ARHGEF3: variants seen among roughly 807,000 people sequenced by gnomAD.
The protein encoded by ARHGEF3 is 59.8 kDA protein.
ARHGEF3 carries 28 observed loss-of-function variants against 63.2 expected under a neutral mutation model. That is an observed-to-expected ratio of 0.44 (90% CI 0.33 to 0.61). ARHGEF3 has a LOEUF of 0.61. Ranked by LOEUF, ARHGEF3 falls within the 20% of genes least tolerant of loss-of-function variation. The pLI, the probability that ARHGEF3 is intolerant of heterozygous loss-of-function variation, is 0.03. For missense variants in ARHGEF3, 533 were observed against 659.3 expected (o/e 0.81, Z 2.10); for synonymous variants, 266 against 254.2 (o/e 1.05, Z -0.44).
chr3:56,989,177 T>C (rs1701652645), intron 2 of ARHGEF3, among the ~76,000 whole-genome samples: 2 of 152,250 alleles, frequency 1.3e-5, no homozygotes, highest in Admixed American at 1.3e-4. Context: ...TCAAGTACCC[T>C]ATTTAGTTCT....
intron 2 of ARHGEF3, among the ~76,000 whole-genome samples, chr3:57,004,056 C>T (rs1702370177): frequency 6.6e-6 from 1 of 152,214 alleles, no homozygotes; most frequent in African/African-American, 2.4e-5. Context: ...CCTCAAGGAG[C>T]TCATTCATCC....
intron 3 of ARHGEF3, among the ~76,000 whole-genome samples, chr3:56,889,111 G>A (rs553915642): frequency 9.2e-5 from 14 of 151,954 alleles, no homozygotes; most frequent in African/African-American, 3.1e-4. Flanking sequence ...TGAACCTTTC[G>A]ACCCACTTTC....
At chr3:56,778,300 T>G (rs1221555746) in intron 1 of ARHGEF3, among the ~76,000 whole-genome samples, 3 of 152,172 alleles carry the variant, frequency 2.0e-5, no homozygotes, top group Non-Finnish European at 4.4e-5. Context: ...GCAATTTGCT[T>G]AAAGCCATTC....
At chr3:57,027,621 G>A (rs1020531584) in intron 2 of ARHGEF3, among the ~76,000 whole-genome samples, 3 of 152,170 alleles carry the variant, frequency 2.0e-5, no homozygotes, top group Non-Finnish European at 2.9e-5. Context: ...TTGGGAGGCT[G>A]AGGTGGGTGG....
intron 1 of ARHGEF3, among the ~76,000 whole-genome samples, chr3:57,059,826 A>G (rs948520148): frequency 3.3e-5 from 5 of 151,880 alleles, no homozygotes; most frequent in African/African-American, 1.2e-4. Flanking sequence ...GAGAAACCCC[A>G]TCTCTACTAA....
chr3:56,732,470 G>T, intron 8 of ARHGEF3, 46 bp from the exon 9 acceptor site: 1 of 1,601,582 alleles, frequency 6.2e-7, no homozygotes, highest in Non-Finnish European at 8.6e-7. Context: ...ATAATGTAAT[G>T]AGTGGTTGAT....
chr3:57,055,081 C>A (rs1323814252), intron 1 of ARHGEF3, among the ~76,000 whole-genome samples: 1 of 151,804 alleles, frequency 6.6e-6, no homozygotes, highest in East Asian at 1.9e-4. Flanking sequence ...CTGCAGCTTG[C>A]CTTTTCCCTC....
At chr3:56,928,148 C>T (rs1000500044) in intron 3 of ARHGEF3, among the ~76,000 whole-genome samples, 1 of 152,130 alleles carries the variant, frequency 6.6e-6, no homozygotes, top group African/African-American at 2.4e-5. Flanking sequence ...AAGAAGGGCA[C>T]GTGTTTCCCC....
intron 4 of ARHGEF3, among the ~76,000 whole-genome samples, chr3:56,864,441 G>A (rs2040177501): frequency 6.6e-6 from 1 of 152,186 alleles, no homozygotes; most frequent in Admixed American, 6.5e-5. Flanking sequence ...GGCTTCCTTG[G>A]CCTTTCATGA....
At chr3:56,759,875 C>A (rs1224994693) in intron 2 of ARHGEF3, among the ~76,000 whole-genome samples, 1 of 152,184 alleles carries the variant, frequency 6.6e-6, no homozygotes, top group Admixed American at 6.5e-5. Context: ...GTGAACAATT[C>A]AGTGCTATTT....
At chr3:56,906,074 AGGCTGGTCTCAAACTCC>A (rs1560038858) in intron 3 of ARHGEF3, among the ~76,000 whole-genome samples, 2 of 152,108 alleles carry the variant, frequency 1.3e-5, no homozygotes, top group Non-Finnish European at 2.9e-5. Flanking sequence ...CATGTTGGGC[AGGCTGGTCTCAAACTCC>A]TGATCTCGTG....
chr3:56,965,269 C>T (rs746737246), intron 2 of ARHGEF3, among the ~76,000 whole-genome samples: 7 of 152,076 alleles, frequency 4.6e-5, no homozygotes, highest in South Asian at 2.1e-4. Context: ...AAATAAATAA[C>T]GACTACAATA....
intron 2 of ARHGEF3, among the ~76,000 whole-genome samples, chr3:57,031,240 G>A (rs1304544974): frequency 2.0e-5 from 3 of 152,152 alleles, no homozygotes; most frequent in Non-Finnish European, 4.4e-5. Context: ...CAGTCCAATA[G>A]GTGAAAGAGA....
At chr3:57,064,064 C>G (rs576397360) in intron 1 of ARHGEF3, among the ~76,000 whole-genome samples, 2 of 152,198 alleles carry the variant, frequency 1.3e-5, no homozygotes, top group East Asian at 3.9e-4. Flanking sequence ...CTCAGGGGCT[C>G]GAGACCAGCC....
chr3:57,074,327 T>C (rs890165786), intron 1 of ARHGEF3: 2 of 1,451,302 alleles, frequency 1.4e-6, no homozygotes, highest in African/African-American at 1.4e-5. Flanking sequence ...CCTTTGCACA[T>C]GCTATGCCCT....
chr3:56,837,140 C>A (rs1028957146), intron 4 of ARHGEF3, among the ~76,000 whole-genome samples: 5 of 152,124 alleles, frequency 3.3e-5, no homozygotes, highest in Middle Eastern at 3.2e-3. Context: ...GGATCAGAGT[C>A]AGGAGGTTCA....
intron 2 of ARHGEF3, among the ~76,000 whole-genome samples, chr3:57,029,015 A>ACACACACACC (rs1333391405): frequency 4.0e-5 from 6 of 149,706 alleles, no homozygotes; most frequent in Middle Eastern, 3.4e-3. Flanking sequence ...ACACACACAC[A>ACACACACACC]CCTCCCAAAA....
chr3:56,788,036 G>A (rs1209365888), intron 1 of ARHGEF3, among the ~76,000 whole-genome samples: 4 of 152,142 alleles, frequency 2.6e-5, no homozygotes, highest in Admixed American at 6.5e-5. Flanking sequence ...ACTGACGCAG[G>A]GTGTGGAGGA....
At chr3:56,987,024 T>C (rs935680594) in intron 2 of ARHGEF3, among the ~76,000 whole-genome samples, 1 of 151,810 alleles carries the variant, frequency 6.6e-6, no homozygotes, top group East Asian at 1.9e-4. Context: ...CCTGCCTGGG[T>C]AAGATGGCAA....
Sources: allele counts gnomAD v4.1 joint callset (sites outside exome capture counted in the v4.1 genomes callset), GRCh38; gene constraint gnomAD v4.1.1; transcripts MANE v1.5; gene names NCBI Gene and HGNC (gene_info 2026-07-23, HGNC 2026-07-21).